PTPRG: variants seen among roughly 807,000 people sequenced by gnomAD.
The protein encoded by PTPRG is protein tyrosine phosphatase receptor type G, also known as receptor-type tyrosine-protein phosphatase gamma.
A neutral mutation model predicts 165.3 loss-of-function variants in PTPRG; 102 were observed. The observed-to-expected ratio is 0.62, with a 90% CI of 0.53 to 0.73. The LOEUF is 0.73. PTPRG is among the 30% of genes least tolerant of loss of function. PTPRG has a pLI of 0.00. For missense variants in PTPRG, 1,866 were observed against 1,861.4 expected (o/e 1.00, Z -0.05); for synonymous variants, 675 against 669.5 (o/e 1.01, Z -0.13).
At chr3:61,849,705 C>T (rs2036907715) in intron 2 of PTPRG, among the ~76,000 whole-genome samples, 1 of 152,152 alleles carries the variant, frequency 6.6e-6, no homozygotes, top group Admixed American at 6.5e-5. Context: ...AACAACTACA[C>T]ATAGAACAAA....
At chr3:61,724,402 G>C (rs933803952) in intron 1 of PTPRG, among the ~76,000 whole-genome samples, 1 of 151,956 alleles carries the variant, frequency 6.6e-6, no homozygotes, top group Non-Finnish European at 1.5e-5. Context: ...CCTTTTGAGG[G>C]AGATTTTGGT....
chr3:62,146,307 C>T (rs1207397336), intron 6 of PTPRG, among the ~76,000 whole-genome samples: 1 of 152,188 alleles, frequency 6.6e-6, no homozygotes, highest in African/African-American at 2.4e-5. Context: ...GGCTAGATGT[C>T]TTAGATGTCT....
chr3:61,693,330 T>A (rs2030347457), intron 1 of PTPRG, among the ~76,000 whole-genome samples: 1 of 152,238 alleles, frequency 6.6e-6, no homozygotes, highest in Admixed American at 6.5e-5. Flanking sequence ...TTCAGATGCT[T>A]CTACTTATTA....
intron 2 of PTPRG, among the ~76,000 whole-genome samples, chr3:61,983,683 T>G (rs1313454028): frequency 2.6e-5 from 4 of 152,142 alleles, no homozygotes; most frequent in African/African-American, 9.7e-5. Context: ...TATGTGAAAT[T>G]CCTTGCTTTT....
chr3:61,607,000 T>C (rs1701029093), intron 1 of PTPRG, among the ~76,000 whole-genome samples: 1 of 152,198 alleles, frequency 6.6e-6, no homozygotes, highest in South Asian at 2.1e-4. Context: ...ACCTACGTGA[T>C]AGAAGTGAGG....
chr3:62,044,396 G>T (rs911709368), intron 4 of PTPRG, among the ~76,000 whole-genome samples: 1 of 152,052 alleles, frequency 6.6e-6, no homozygotes. Flanking sequence ...AAAATTAGCC[G>T]GGCATGGTGG....
rs983751678 is a variant in PTPRG, at chr3:62,295,623, CAAT to C, written c.*2319_*2321del. 5.9e-5 allele frequency: 9 copies of C among 152,122 alleles called. No homozygotes were observed. Among genetic ancestry groups the C allele is most frequent in the African/African-American group, 2.2e-4 (9 of 41,520 alleles). The allele number at this position is 152,122 out of a possible 1,614,324, so 9.4% of individuals were successfully genotyped here. Reference sequence around the variant, plus strand: ...AAACAGCTAGTAAATAGGATAGAAACAATAAAAGAAAGAGTTTAGAAGTTCCCT... The same window carrying C: ...AAACAGCTAGTAAATAGGATAGAAACAAAAGAAAGAGTTTAGAAGTTCCCT... On this transcript the variant is annotated 3_prime_UTR_variant, in exon 30 of 30. Coordinates refer to ENST00000474889, the MANE Select transcript of PTPRG (RefSeq NM_002841.4).
rs1699927310 is a variant in PTPRG at position 61,566,886 on chromosome 3, A to ATT, written c.85+4516_85+4517dup. 2.0e-5 allele frequency among the ~76,000 whole-genome samples: 3 copies of ATT among 152,328 alleles called. No homozygotes were observed. In the South Asian group the frequency reaches 6.2e-4, roughly 32 times the overall value. ...TCAGCATGTGGGACAATGAAATGCC[A>ATT]TTTCTAGGCAGGTTGAAGATTGCAA... On this transcript the variant is annotated intron_variant, in intron 1 of 29. Coordinates refer to ENST00000474889, the MANE Select transcript of PTPRG (RefSeq NM_002841.4).
chr3:62,066,669 CGTT>C (rs1701023237), intron 4 of PTPRG, among the ~76,000 whole-genome samples: 1 of 152,130 alleles, frequency 6.6e-6, no homozygotes, highest in South Asian at 2.1e-4. Flanking sequence ...AGCAAGGAAA[CGTT>C]GTTTCATTAG....
chr3:62,096,569 T>C (rs948189949), intron 5 of PTPRG, among the ~76,000 whole-genome samples: 1 of 152,218 alleles, frequency 6.6e-6, no homozygotes, highest in African/African-American at 2.4e-5. Context: ...CCATGTGTTA[T>C]CTCTGCAAAT....
intron 1 of PTPRG, among the ~76,000 whole-genome samples, chr3:61,739,601 A>G (rs1255146448): frequency 2.0e-5 from 3 of 152,186 alleles, no homozygotes. Context: ...GTTCTTATGT[A>G]AGTAACATAC....
chr3:61,979,854 G>A (rs2040598044), intron 2 of PTPRG, among the ~76,000 whole-genome samples: 1 of 152,112 alleles, frequency 6.6e-6, no homozygotes, highest in Non-Finnish European at 1.5e-5. Context: ...CCTGTGAAGT[G>A]TTTCCTAGTC....
intron 3 of PTPRG, among the ~76,000 whole-genome samples, chr3:61,990,431 A>T (rs1375648180): frequency 1.3e-5 from 2 of 152,202 alleles, no homozygotes; most frequent in Non-Finnish European, 2.9e-5. Context: ...CAGACCAGCA[A>T]TTCAATTCTT....
At chr3:61,638,591 GTTTT>G (rs34396141) in intron 1 of PTPRG, among the ~76,000 whole-genome samples, 8 of 58,712 alleles carry the variant, frequency 1.4e-4, no homozygotes, top group East Asian at 6.0e-4. Context: ...TGCCTGGCTA[GTTTT>G]TTTTTTTTTT....
At chr3:62,242,694 G>A (rs1360855099) in intron 14 of PTPRG, among the ~76,000 whole-genome samples, 2 of 151,942 alleles carry the variant, frequency 1.3e-5, no homozygotes, top group Non-Finnish European at 2.9e-5. Flanking sequence ...CCCCTTCTTT[G>A]GCCTCATAGA....
At chr3:62,187,636 A>C (rs998030271) in intron 8 of PTPRG, among the ~76,000 whole-genome samples, 5 of 152,216 alleles carry the variant, frequency 3.3e-5, no homozygotes. Context: ...GAAAATATTT[A>C]CTATCTGGCC....
chr3:62,053,953 C>T (rs1700548520), intron 4 of PTPRG, among the ~76,000 whole-genome samples: 1 of 152,156 alleles, frequency 6.6e-6, no homozygotes, highest in Admixed American at 6.5e-5. Context: ...ATGAAGGGTA[C>T]TACATGAGGG....
chr3:61,854,852 T>C (rs1017116863), intron 2 of PTPRG, among the ~76,000 whole-genome samples: 3 of 152,240 alleles, frequency 2.0e-5, no homozygotes, highest in African/African-American at 7.2e-5. Flanking sequence ...GGTTCCGTTA[T>C]ATTGCTGGCT....
Position 61,742,937 on chromosome 3 carries a change from T to C in PTPRG, c.86-5941T>C, listed in dbSNP as rs1023267356. ...CACACACACAACTTAGGGCGGGGAG[T>C]GGACTTAAGTCTGACGGTGCCCGAG... On this transcript the variant is annotated intron_variant, in intron 1 of 29. Transcript: ENST00000474889. 5 of 1,466,888 alleles carry C rather than the reference T, an allele frequency of 3.4e-6. No individual in the cohort carries two copies. The Admixed American group carries it at 5.0e-5, about 15-fold the overall frequency. The allele number at this position is 1,466,888 out of a possible 1,614,324, so 90.9% of individuals were successfully genotyped here. A position where few individuals can be genotyped will look rare whatever the true frequency, so the allele number is the denominator to read the frequency against.
Sources: gnomAD v4.1 joint callset for allele counts (sites outside exome capture counted in the v4.1 genomes callset) on GRCh38, gnomAD v4.1.1 for gene constraint, MANE v1.5 for transcripts, NCBI Gene and HGNC (gene_info 2026-07-23, HGNC 2026-07-21) for gene names.